PHF2: variants seen among roughly 807,000 people sequenced by gnomAD.
The protein encoded by PHF2 is lysine-specific demethylase PHF2.
Under a neutral mutation model 120.5 loss-of-function variants are expected in PHF2, and 27 were observed. The ratio of observed to expected loss-of-function variants is 0.22; its 90% confidence interval spans 0.17 to 0.31. PHF2 has a LOEUF of 0.31. Among genes scored for constraint, PHF2 ranks in the 10% least tolerant of loss-of-function variants. The probability of loss-of-function intolerance (pLI) is 1.00; values close to 1 mark genes in which losing one functional copy is unlikely to be tolerated. For synonymous variants in PHF2, 568 were observed against 592.5 expected (o/e 0.96, Z 0.60); for missense variants, 1,024 against 1,434.8 (o/e 0.71, Z 4.63).
Position 93,677,053 on chromosome 9 carries a change from A to G in PHF2, c.3202+90A>G. ...GACATGCAGACTCGGCCCATGGTAG[A>G]GGGCAGCACATTGGGAGGGCTCCTG... On this transcript the variant is annotated intron_variant, in intron 21 of 21. Coordinates refer to ENST00000359246, the MANE Select transcript of PHF2 (RefSeq NM_005392.4). The surrounding 1 kb of genome is among the most constrained non-coding windows in gnomAD (Gnocchi z 4.4). 7.3e-7 allele frequency: 1 copy of G among 1,373,564 alleles called. No individual in the cohort carries two copies. 85.1% of individuals were successfully genotyped at this position (1,373,564 alleles called of 1,614,324 possible).
At chr9:93,583,945 C>T (rs1862982810) in intron 1 of PHF2, among the ~76,000 whole-genome samples, 1 of 151,608 alleles carries the variant, frequency 6.6e-6, no homozygotes, top group African/African-American at 2.4e-5. Context: ...TCTCCTGTCT[C>T]AGCCTCCTGA....
chr9:93,643,392 C>A (rs1363016641), intron 3 of PHF2, among the ~76,000 whole-genome samples: 1 of 152,174 alleles, frequency 6.6e-6, no homozygotes, highest in Non-Finnish European at 1.5e-5. Flanking sequence ...GCTTTCAGAG[C>A]TTCCTTTGCA....
At chr9:93,587,341 G>T (rs1198212985) in intron 1 of PHF2, among the ~76,000 whole-genome samples, 2 of 148,808 alleles carry the variant, frequency 1.3e-5, no homozygotes, top group African/African-American at 5.0e-5. Context: ...AGAGCCCTGG[G>T]TGAGGGATGA....
rs1826974980 is a variant in PHF2, at chr9:93,679,133, C to A, written c.*1457C>A. On this transcript the variant is annotated 3_prime_UTR_variant, in exon 22 of 22. Transcript: ENST00000359246. ...TGCTGTAATTTATTAATGTTTGTAG[C>A]TTTTTATATTTGTACATTTCTTATG... The A allele has an allele frequency of 2.4e-6, 1 of 410,918 alleles. No homozygotes were observed. The allele number at this position is 410,918 out of a possible 1,614,324, so 25.5% of individuals were successfully genotyped here. A position where few individuals can be genotyped will look rare whatever the true frequency, so the allele number is the denominator to read the frequency against.
intron 18 of PHF2, among the ~76,000 whole-genome samples, chr9:93,674,400 G>A (rs1386367534): frequency 1.3e-5 from 2 of 152,112 alleles, no homozygotes; most frequent in African/African-American, 2.4e-5. Flanking sequence ...GACGTTAGAC[G>A]TTTTCCCTTT....
intron 5 of PHF2, among the ~76,000 whole-genome samples, chr9:93,650,166 C>T (rs1046263840): frequency 1.2e-4 from 18 of 151,864 alleles, no homozygotes; most frequent in Admixed American, 8.5e-4. Flanking sequence ...TGGACACACT[C>T]GCCAACACAC....
chr9:93,615,915 G>A (rs1269862088), intron 1 of PHF2, among the ~76,000 whole-genome samples: 6 of 152,186 alleles, frequency 3.9e-5, no homozygotes, highest in Non-Finnish European at 5.9e-5. Flanking sequence ...GGGAGCTGTC[G>A]GGGGCCATTC....
chr9:93,662,295 G>A (rs1397366213), intron 12 of PHF2, among the ~76,000 whole-genome samples: 1 of 151,354 alleles, frequency 6.6e-6, no homozygotes, highest in Admixed American at 6.6e-5. Flanking sequence ...GGATGAATGG[G>A]TGGATGATTG....
chr9:93,677,706 G>C lies in PHF2; in HGVS notation c.*30G>C. 1 of 1,556,068 alleles carries C rather than the reference G, an allele frequency of 6.4e-7. No individual in the cohort carries two copies. The highest frequency in any genetic ancestry group is 8.9e-7 in the Non-Finnish European group (1 of 1,128,948). ...TGGAAAGCCAGGATCCTTCTGCTCC[G>C]CTCAGGACCCCCGGAGCCCCGCGAA... On this transcript the variant is annotated 3_prime_UTR_variant, in exon 22 of 22. Coordinates refer to ENST00000359246, the MANE Select transcript of PHF2 (RefSeq NM_005392.4). The surrounding 1 kb of genome is among the most constrained non-coding windows in gnomAD (Gnocchi z 4.4).
Position 93,587,074 on chromosome 9 carries a change from GCAGTCTGTAAAGTTCTCT to G in PHF2, c.98+10207_98+10224del, listed in dbSNP as rs1863059642. ...GACAAGGCACAACATTCTTTAGTTT[GCAGTCTGTAAAGTTCTCT>G]CAGAGTTCTGTGGGAGGCATGGAGT... On this transcript the variant is annotated intron_variant, in intron 1 of 21. Transcript: ENST00000359246. 2.0e-5 allele frequency among the ~76,000 whole-genome samples: 3 copies of G among 152,248 alleles called. No homozygotes were observed. The South Asian group carries it at 6.2e-4, about 31-fold the overall frequency.
At chr9:93,637,273 T>A (rs1277632979) in intron 3 of PHF2, among the ~76,000 whole-genome samples, 1 of 152,250 alleles carries the variant, frequency 6.6e-6, no homozygotes, top group East Asian at 1.9e-4. Flanking sequence ...AAGGTGTTTT[T>A]TTCCTGGCTT....
At chr9:93,671,385 T>A (rs1458211539) in intron 17 of PHF2, among the ~76,000 whole-genome samples, 2 of 122,356 alleles carry the variant, frequency 1.6e-5, no homozygotes, top group Non-Finnish European at 3.5e-5. Context: ...TGGATGTAGG[T>A]ACAGGTGTAG....
chr9:93,659,686 A>G (rs2117983793), intron 11 of PHF2, 86 bp downstream of exon 11: 4 of 1,237,162 alleles, frequency 3.2e-6, no homozygotes, highest in East Asian at 5.0e-5. Flanking sequence ...GGCCAGCCTA[A>G]CACAGAGCTG....
chr9:93,663,986 G>C (rs1826628598), intron 14 of PHF2, among the ~76,000 whole-genome samples: 1 of 152,234 alleles, frequency 6.6e-6, no homozygotes, highest in African/African-American at 2.4e-5. Context: ...TAGTGTGGGT[G>C]TGAGGAAGCA....
intron 1 of PHF2, among the ~76,000 whole-genome samples, chr9:93,592,923 G>A (rs1029749691): frequency 3.3e-5 from 5 of 151,992 alleles, no homozygotes; most frequent in South Asian, 2.1e-4. Flanking sequence ...TCCAACTGGA[G>A]GACCACAGCT....
chr9:93,658,010 G>A, intron 9 of PHF2, 135 bp from the exon 10 acceptor site: 3 of 621,334 alleles, frequency 4.8e-6, no homozygotes, highest in African/African-American at 1.8e-5. Flanking sequence ...GTTGGCAGTT[G>A]AGCTGGTGGC....
intron 1 of PHF2, among the ~76,000 whole-genome samples, chr9:93,589,116 C>T (rs117276701): frequency 0.013 from 1,942 of 152,280 alleles, 30 homozygotes; most frequent in Non-Finnish European, 0.016. Flanking sequence ...GAGGCTTAGT[C>T]ATGTCCTGGT....
intron 1 of PHF2, among the ~76,000 whole-genome samples, 160 bp from the exon 2 acceptor site, chr9:93,629,810 C>T (rs1034792625): frequency 6.6e-6 from 1 of 152,220 alleles, no homozygotes. Flanking sequence ...TCTTTCCCTC[C>T]ACCCTGCTTT....
intron 5 of PHF2, among the ~76,000 whole-genome samples, chr9:93,649,726 G>A (rs769258138): frequency 2.0e-5 from 3 of 151,628 alleles, no homozygotes; most frequent in Non-Finnish European, 4.4e-5. Context: ...CAATGCATGA[G>A]ACATTCATGA....
Sources: gnomAD v4.1 joint callset for allele counts (sites outside exome capture counted in the v4.1 genomes callset) on GRCh38, gnomAD v4.1.1 for gene constraint, Gnocchi (gnomAD v3.1) non-coding constraint, MANE v1.5 for transcripts, NCBI Gene and HGNC (gene_info 2026-07-23, HGNC 2026-07-21) for gene names.